TEK: variants seen among roughly 807,000 people sequenced by gnomAD.
TEK encodes the protein TEK receptor tyrosine kinase, also known as angiopoietin-1 receptor.
TEK carries 43 observed loss-of-function variants against 131.8 expected under a neutral mutation model. The observed-to-expected ratio is 0.33, with a 90% CI of 0.26 to 0.42. The LOEUF (loss-of-function observed/expected upper bound fraction) is 0.42. TEK is among the 10% of genes least tolerant of loss of function. TEK has a pLI of 1.00. For missense variants in TEK, 1,162 were observed against 1,384.4 expected, an observed-to-expected ratio of 0.84 and a Z score of 2.55; for synonymous variants, 580 against 491.6, an observed-to-expected ratio of 1.18 and a Z score of -2.38.
At chr9:27,174,308 G>A (rs1016783878) in intron 6 of TEK, among the ~76,000 whole-genome samples, 6 of 152,084 alleles carry the variant, frequency 3.9e-5, no homozygotes, top group African/African-American at 1.4e-4. Context: ...TAGCTACGAT[G>A]GGGTCCCAGC....
intron 21 of TEK, among the ~76,000 whole-genome samples, chr9:27,226,718 T>C (rs991259977): frequency 6.6e-6 from 1 of 152,096 alleles, no homozygotes; most frequent in African/African-American, 2.4e-5. Flanking sequence ...GAACTGAAAG[T>C]ATAATAATAA....
chr9:27,139,366 C>T lies in TEK; in HGVS notation c.53-18465C>T, dbSNP rs1224277170. On this transcript the variant is annotated intron_variant, in intron 1 of 22. Coordinates refer to ENST00000380036, the MANE Select transcript of TEK (RefSeq NM_000459.5). ...TTTTTGAGACTGAGTCTCACTCTGT[C>T]GCCCAGGCTGGAGTGCAGTGGTGCA... 3.8e-5 allele frequency among the ~76,000 whole-genome samples: 4 copies of T among 104,168 alleles called. No individual in the cohort carries two copies. The Admixed American group carries it at 4.3e-4, about 11-fold the overall frequency. The allele number at this position is 104,168 out of a possible 152,430, so 68.3% of individuals were successfully genotyped here. A position where few individuals can be genotyped will look rare whatever the true frequency, so the allele number is the denominator to read the frequency against.
chr9:27,165,869 C>T (rs766525936), intron 2 of TEK, among the ~76,000 whole-genome samples: 1 of 152,226 alleles, frequency 6.6e-6, no homozygotes, highest in Non-Finnish European at 1.5e-5. Context: ...GTGCAAGGCA[C>T]CCATGCTAGG....
intron 1 of TEK, among the ~76,000 whole-genome samples, chr9:27,111,682 A>G (rs992826762): frequency 5.9e-5 from 9 of 152,086 alleles, no homozygotes; most frequent in African/African-American, 2.2e-4. Context: ...TGAATTGAGA[A>G]TCATTGCTAA....
chr9:27,177,317 A>G (rs1204089513), intron 6 of TEK, among the ~76,000 whole-genome samples: 1 of 152,222 alleles, frequency 6.6e-6, no homozygotes, highest in Non-Finnish European at 1.5e-5. Context: ...AACAGCATAC[A>G]AGGGTTCCCT....
At chr9:27,159,931 T>C (rs1230477837) in intron 2 of TEK, among the ~76,000 whole-genome samples, 3 of 150,692 alleles carry the variant, frequency 2.0e-5, no homozygotes, top group African/African-American at 7.3e-5. Context: ...CTTTTCCAAA[T>C]TAGTATCATC....
intron 11 of TEK, among the ~76,000 whole-genome samples, chr9:27,196,783 T>G (rs1213283804): frequency 6.7e-6 from 1 of 150,364 alleles, no homozygotes; most frequent in African/African-American, 2.4e-5. Context: ...TTTTTTTTTT[T>G]TTACTGTTTC....
chr9:27,206,960 C>G (rs988645732), intron 15 of TEK, among the ~76,000 whole-genome samples, 168 bp downstream of exon 15: 3 of 152,204 alleles, frequency 2.0e-5, no homozygotes, highest in Admixed American at 6.5e-5. Context: ...CTGTGATAGT[C>G]AGGATATCAA....
At chr9:27,140,615 C>T (rs936652029) in intron 1 of TEK, among the ~76,000 whole-genome samples, 4 of 151,820 alleles carry the variant, frequency 2.6e-5, no homozygotes, top group African/African-American at 9.7e-5. Context: ...ATTATAAAGA[C>T]ATATATCTTA....
At chr9:27,138,432 A>T (rs955864287) in intron 1 of TEK, among the ~76,000 whole-genome samples, 1 of 152,092 alleles carries the variant, frequency 6.6e-6, no homozygotes, top group East Asian at 1.9e-4. Flanking sequence ...TGATTGGTGC[A>T]TTTACAATCC....
chr9:27,211,831 A>T (rs1825643437), intron 16 of TEK, among the ~76,000 whole-genome samples: 1 of 144,852 alleles, frequency 6.9e-6, no homozygotes, highest in South Asian at 2.2e-4. Flanking sequence ...CTTCTTTAAA[A>T]AAAACCAGTA....
chr9:27,128,729 C>G (rs572720861), intron 1 of TEK, among the ~76,000 whole-genome samples: 1 of 152,182 alleles, frequency 6.6e-6, no homozygotes, highest in Non-Finnish European at 1.5e-5. Flanking sequence ...ATTTTATTCT[C>G]TTTGTGGCAA....
intron 2 of TEK, among the ~76,000 whole-genome samples, chr9:27,166,265 C>T (rs1823727310): frequency 6.6e-6 from 1 of 152,194 alleles, no homozygotes; most frequent in Non-Finnish European, 1.5e-5. Context: ...AGGCAATGTT[C>T]TGGTAAATAA....
At chr9:27,218,640 G>A in intron 19 of TEK, 137 bp from the exon 20 acceptor site, 3 of 834,714 alleles carry the variant, frequency 3.6e-6, no homozygotes, top group Middle Eastern at 3.1e-4. Context: ...TACACTGTGT[G>A]CAAGGGCCTA....
chr9:27,135,532 A>G (rs986987032), intron 1 of TEK, among the ~76,000 whole-genome samples: 1 of 152,194 alleles, frequency 6.6e-6, no homozygotes, highest in African/African-American at 2.4e-5. Context: ...ACTATTTGCC[A>G]CATACTGTTA....
chr9:27,170,041 A>G (rs984081686), intron 4 of TEK, among the ~76,000 whole-genome samples: 19 of 152,174 alleles, frequency 1.2e-4, no homozygotes, highest in African/African-American at 4.3e-4. Flanking sequence ...GGAAATTTAC[A>G]ATCATGGCAA....
chr9:27,222,159 A>G (rs1325026588), intron 21 of TEK, among the ~76,000 whole-genome samples: 1 of 152,240 alleles, frequency 6.6e-6, no homozygotes, highest in Non-Finnish European at 1.5e-5. Context: ...GATACACTTA[A>G]AGCATGAAGA....
At chr9:27,110,640 T>C (rs933396576) in intron 1 of TEK, among the ~76,000 whole-genome samples, 10 of 152,216 alleles carry the variant, frequency 6.6e-5, no homozygotes, top group African/African-American at 1.9e-4. Context: ...GATTCGAGTA[T>C]ACATAAGTAT....
chr9:27,130,566 G>T (rs1194461250), intron 1 of TEK, among the ~76,000 whole-genome samples: 3 of 149,254 alleles, frequency 2.0e-5, no homozygotes, highest in African/African-American at 2.5e-5. Flanking sequence ...AATAATAAAA[G>T]GCAAAGAACA....
Sources: gnomAD v4.1 joint callset for allele counts (sites outside exome capture counted in the v4.1 genomes callset) on GRCh38, gnomAD v4.1.1 for gene constraint, MANE v1.5 for transcripts, NCBI Gene and HGNC (gene_info 2026-07-23, HGNC 2026-07-21) for gene names.